Variants in RUFY4 observed in about 807,000 individuals in gnomAD.
RUFY4 encodes the protein RUN and FYVE domain-containing protein 4.
Under a neutral mutation model 69.0 loss-of-function variants are expected in RUFY4, and 73 were observed. The observed-to-expected ratio is 1.06, with a 90% confidence interval of 0.88 to 1.29. The LOEUF (loss-of-function observed/expected upper bound fraction) is 1.29, where lower values mean the gene tolerates loss of function less well. Among genes scored for constraint, RUFY4 ranks in the 50% most tolerant of loss-of-function variants. The pLI is 0.00. For missense variants in RUFY4, 770 were observed against 705.6 expected (o/e 1.09, Z -1.03); for synonymous variants, 287 against 271.8 (o/e 1.06, Z -0.55).
At chr2:218,048,537 T>C (rs768113516) in intron 2 of RUFY4, among the ~76,000 whole-genome samples, 4 of 152,216 alleles carry the variant, frequency 2.6e-5, no homozygotes, top group African/African-American at 4.8e-5. Context: ...TGGTATTTCC[T>C]AGGTTGTTTT....
upstream of RUFY4, among the ~76,000 whole-genome samples, chr2:218,068,095 G>C: frequency 6.8e-6 from 1 of 146,492 alleles, no homozygotes; most frequent in East Asian, 2.1e-4. Flanking sequence ...AGGAGGGCAG[G>C]GGGCTGGAGG....
At chr2:218,056,632 C>G (rs1386626316) in intron 2 of RUFY4, among the ~76,000 whole-genome samples, 1 of 152,184 alleles carries the variant, frequency 6.6e-6, no homozygotes. Context: ...TTACAGTTAT[C>G]TTGTCACATA....
chr2:218,048,092 G>A (rs956430324), intron 2 of RUFY4, among the ~76,000 whole-genome samples: 3 of 152,134 alleles, frequency 2.0e-5, no homozygotes, highest in Admixed American at 6.5e-5. Context: ...GCGTATAAGC[G>A]TTCCTTTTTC....
At chr2:218,085,632 G>C (rs1689874897) in intron 9 of RUFY4, among the ~76,000 whole-genome samples, 1 of 152,194 alleles carries the variant, frequency 6.6e-6, no homozygotes, top group African/African-American at 2.4e-5. Context: ...GCAGAAGTGA[G>C]ATGAGGAATA....
At chr2:218,047,951 C>T (rs938450752) in intron 2 of RUFY4, among the ~76,000 whole-genome samples, 7 of 152,112 alleles carry the variant, frequency 4.6e-5, no homozygotes, top group African/African-American at 1.7e-4. Context: ...CTGGCTACTT[C>T]TGATGGGTTG....
chr2:218,053,532 C>A (rs907697806), intron 2 of RUFY4, among the ~76,000 whole-genome samples: 2 of 151,774 alleles, frequency 1.3e-5, no homozygotes, highest in Non-Finnish European at 2.9e-5. Flanking sequence ...TATTTTGAAA[C>A]GGAGTCTTGC....
At chr2:218,064,268 A>G (rs1689269452), upstream of RUFY4, among the ~76,000 whole-genome samples, 1 of 152,010 alleles carries the variant, frequency 6.6e-6, no homozygotes, top group African/African-American at 2.4e-5. Context: ...CTCCTCCACC[A>G]CCAAGAACCT....
At chr2:218,064,022 T>G (rs1395331809) in intron 3 of RUFY4, among the ~76,000 whole-genome samples, 1 of 152,130 alleles carries the variant, frequency 6.6e-6, no homozygotes, top group Non-Finnish European at 1.5e-5. Flanking sequence ...AGGCCAGAAG[T>G]TGGTCACAAA....
intron 3 of RUFY4, chr2:218,058,829 A>G (rs1689120809): frequency 6.6e-6 from 1 of 152,206 alleles, no homozygotes; most frequent in African/African-American, 2.4e-5. Context: ...GATTTGGTGA[A>G]CTTACTCAAC....
At chr2:218,058,246 C>CT (rs1406606469) in intron 2 of RUFY4, among the ~76,000 whole-genome samples, 4 of 152,232 alleles carry the variant, frequency 2.6e-5, no homozygotes, top group Admixed American at 2.6e-4. Flanking sequence ...CTTCTGATCA[C>CT]TTTCTCCTTA....
intron 9 of RUFY4, among the ~76,000 whole-genome samples, chr2:218,085,076 G>A (rs954149901): frequency 6.6e-6 from 1 of 152,070 alleles, no homozygotes; most frequent in Non-Finnish European, 1.5e-5. Context: ...AGAAAATTAC[G>A]TGGAACATAT....
exon 7 of RUFY4, chr2:218,075,242 AAAG>A (rs1366668944): frequency 6.4e-7 from 1 of 1,571,110 alleles, no homozygotes; most frequent in Non-Finnish European, 8.6e-7. Context: ...TCTTTTTGGA[AAAG>A]AAGGGGGAAA....
At chr2:218,084,680 C>A (rs928194599) in intron 9 of RUFY4, among the ~76,000 whole-genome samples, 2 of 152,094 alleles carry the variant, frequency 1.3e-5, no homozygotes, top group African/African-American at 4.8e-5. Context: ...GAAGTATTGA[C>A]CTCATGAAAG....
chr2:218,083,033 T>A (rs1004834609), intron 8 of RUFY4, 77 bp from the exon 11 acceptor site: 10 of 1,481,530 alleles, frequency 6.7e-6, no homozygotes, highest in Non-Finnish European at 9.0e-6. Flanking sequence ...GCTCCCTCTC[T>A]GGAAGAGGCT....
At chr2:218,043,840 A>C (rs1688759699) in intron 2 of RUFY4, among the ~76,000 whole-genome samples, 1 of 152,114 alleles carries the variant, frequency 6.6e-6, no homozygotes, top group Admixed American at 6.5e-5. Context: ...GGCTGCTCAG[A>C]CGAAGGGGCA....
intron 3 of RUFY4, among the ~76,000 whole-genome samples, chr2:218,063,054 CA>C (rs1234247668): frequency 6.6e-6 from 1 of 152,242 alleles, no homozygotes; most frequent in Non-Finnish European, 1.5e-5. Flanking sequence ...GCTACAGGGA[CA>C]GGAGAGATCC....
exon 2 of RUFY4, chr2:218,070,778 C>T (rs1187004429): frequency 6.5e-7 from 1 of 1,537,184 alleles, no homozygotes; most frequent in East Asian, 2.4e-5. Flanking sequence ...TCCTCCAGGG[C>T]TATGGGGATG....
chr2:218,047,985 T>A (rs1688868003), intron 2 of RUFY4, among the ~76,000 whole-genome samples: 1 of 152,200 alleles, frequency 6.6e-6, no homozygotes, highest in East Asian at 1.9e-4. Flanking sequence ...TGTTTTTCTA[T>A]AGTATGAGCA....
intron 2 of RUFY4, among the ~76,000 whole-genome samples, chr2:218,049,801 C>T (rs949927137): frequency 1.4e-4 from 21 of 152,212 alleles, no homozygotes; most frequent in African/African-American, 5.1e-4. Context: ...AGCCACCGTG[C>T]CCAGCTAGGT....
Sources: gnomAD v4.1 joint callset for allele counts (sites outside exome capture counted in the v4.1 genomes callset) on GRCh38, gnomAD v4.1.1 for gene constraint, MANE v1.5 for transcripts, NCBI Gene and HGNC (gene_info 2026-07-23, HGNC 2026-07-21) for gene names.